Variants in NECAB2 observed in about 807,000 individuals in gnomAD.
NECAB2 encodes the protein N-terminal EF-hand calcium binding protein 2.
In NECAB2, 68 loss-of-function variants were observed where a neutral mutation model predicts 51.9. The ratio of observed to expected loss-of-function variants is 1.31; its 90% confidence interval spans 1.08 to 1.60. NECAB2 has a LOEUF of 1.60. Among genes scored for constraint, NECAB2 ranks in the 40% most tolerant of loss-of-function variants. The pLI, the probability that NECAB2 is intolerant of heterozygous loss-of-function variation, is 0.00. For synonymous variants in NECAB2, 329 were observed against 203.5 expected (o/e 1.62, Z -5.25); for missense variants, 854 against 490.3 (o/e 1.74, Z -7.00).
At chr16:83,986,715 TC>T (rs1192597098) in intron 5 of NECAB2, among the ~76,000 whole-genome samples, 2 of 150,814 alleles carry the variant, frequency 1.3e-5, no homozygotes, top group Non-Finnish European at 2.9e-5. Context: ...AGACAGGGTT[TC>T]CCTATTTTGC....
intron 5 of NECAB2, among the ~76,000 whole-genome samples, chr16:83,990,246 A>T (rs1476985343): frequency 6.6e-6 from 1 of 152,102 alleles, no homozygotes; most frequent in Non-Finnish European, 1.5e-5. Flanking sequence ...TGACCCCATT[A>T]TACTCTGGGA....
chr16:83,965,638 T>C (rs767261281), upstream of NECAB2: 5 of 1,613,298 alleles, frequency 3.1e-6, no homozygotes, highest in East Asian at 6.7e-5. Flanking sequence ...CCAGCCCCTA[T>C]GAGGGTTACC....
At position 83,999,287 on chromosome 16, in the gene NECAB2, C is replaced by G. The variant is rs558029704; in HGVS notation, c.962+970C>G. Among the ~76,000 whole-genome samples the G allele has an allele frequency of 5.9e-5, 9 of 152,268 alleles. No homozygotes were observed. In the South Asian group the frequency reaches 6.2e-4, roughly 11 times the overall value. On this transcript the variant is annotated intron_variant, in intron 10 of 12. Coordinates refer to ENST00000305202, the MANE Select transcript of NECAB2 (RefSeq NM_019065.3). The stretch of plus-strand genomic sequence containing the variant: ...CCAGGATGGGGGGGCAGGACCCACT[C>G]CACTCCAGGAGGACAGACTGCACAG...
intron 11 of NECAB2, 78 bp from the exon 12 acceptor site, chr16:84,001,747 G>GAGCTAGGATTA: frequency 2.6e-6 from 4 of 1,509,812 alleles, no homozygotes; most frequent in Non-Finnish European, 3.7e-6. Flanking sequence ...TTTTGGGCTA[G>GAGCTAGGATTA]AGCTAGGATT....
At chr16:83,996,973 G>C (rs527276760) in intron 8 of NECAB2, among the ~76,000 whole-genome samples, 9 of 150,970 alleles carry the variant, frequency 6.0e-5, no homozygotes, top group African/African-American at 2.2e-4. Context: ...CAGCATCTTG[G>C]ACTCAGGCCT....
At chr16:83,988,544 C>T (rs1166059525) in intron 5 of NECAB2, among the ~76,000 whole-genome samples, 7 of 152,150 alleles carry the variant, frequency 4.6e-5, no homozygotes, top group South Asian at 2.1e-4. Context: ...TATTTCCTAA[C>T]CTCTGTAACC....
chr16:83,987,013 A>G, intron 5 of NECAB2, among the ~76,000 whole-genome samples: 1 of 152,188 alleles, frequency 6.6e-6, no homozygotes, highest in Non-Finnish European at 1.5e-5. Context: ...AGGCATAAGT[A>G]CCCTCTGAAT....
upstream of NECAB2, chr16:83,965,888 C>A (rs763009325): frequency 6.2e-7 from 1 of 1,612,918 alleles, no homozygotes; most frequent in Admixed American, 1.7e-5. Flanking sequence ...GAGCACCCGC[C>A]AGGAGGGCCT....
chr16:83,992,377 T>TCCACCCC (rs1555548089), intron 6 of NECAB2, among the ~76,000 whole-genome samples: 1 of 133,046 alleles, frequency 7.5e-6, no homozygotes, highest in African/African-American at 3.2e-5. Flanking sequence ...CGAGCACCCG[T>TCCACCCC]CCCCCCGCCC....
chr16:83,968,687 G>T lies in NECAB2; in HGVS notation c.39G>T (p.Ala13=), dbSNP rs1597189469. Residue 13 remains alanine (A), a synonymous_variant, in exon 1 of 13, where the codon GCG becomes GCT. Transcript: ENST00000305202. ...ERAARLCRAG[A]HRLLREPPQQ... ...CGGCGCGCCTGTGCAGGGCCGGCGC[G>T]CACAGGCTGCTCCGGGAGCCGCCGC... 2 of 991,874 alleles carry T rather than the reference G, an allele frequency of 2.0e-6. No homozygotes were observed. Among genetic ancestry groups the T allele is most frequent in the South Asian group, 9.0e-5 (2 of 22,168 alleles). 61.4% of individuals were successfully genotyped at this position (991,874 alleles called of 1,614,324 possible). A position where few individuals can be genotyped will look rare whatever the true frequency, so the allele number is the denominator to read the frequency against.
chr16:83,974,410 C>G (rs889634), intron 2 of NECAB2, among the ~76,000 whole-genome samples: 5 of 152,146 alleles, frequency 3.3e-5, no homozygotes, highest in South Asian at 2.1e-4. Flanking sequence ...AATAAGTCCC[C>G]GCTGCTCTGC....
upstream of NECAB2, among the ~76,000 whole-genome samples, chr16:83,967,193 C>G (rs1049448772): frequency 1.3e-5 from 2 of 151,988 alleles, no homozygotes; most frequent in African/African-American, 2.4e-5. Flanking sequence ...TTTAATTGTT[C>G]ATTTGTTTGT....
At chr16:83,977,904 A>C (rs1351166096) in intron 2 of NECAB2, among the ~76,000 whole-genome samples, 1 of 152,138 alleles carries the variant, frequency 6.6e-6, no homozygotes, top group Non-Finnish European at 1.5e-5. Flanking sequence ...TGCAGAGACC[A>C]CTTGGCGTTT....
In NECAB2 at chr16:83,997,882, C is replaced by G. The variant is rs114733569; in HGVS notation, c.850-323C>G. Among the ~76,000 whole-genome samples, 867 of 152,256 alleles carry G rather than the reference C, an allele frequency of 5.7e-3. 10 individuals carry two copies. Among genetic ancestry groups the G allele is most frequent in the African/African-American group, 0.02 (831 of 41,534 alleles). ...GATGTGAAAATGCTGAGTCCATCAA[C>G]TATGAGTTTTTCTTGTCAGTGGATG... On this transcript the variant is annotated intron_variant, in intron 9 of 12. Coordinates refer to ENST00000305202, the MANE Select transcript of NECAB2 (RefSeq NM_019065.3).
chr16:83,997,439 C>G (rs1391612630), intron 9 of NECAB2, among the ~76,000 whole-genome samples, 170 bp downstream of exon 9: 2 of 151,484 alleles, frequency 1.3e-5, no homozygotes, highest in Non-Finnish European at 2.9e-5. Flanking sequence ...ACAGGAGCCA[C>G]CCCACCAACT....
At position 83,994,621 on chromosome 16, in the gene NECAB2, C is replaced by G; in HGVS notation, c.728C>G (p.Ala243Gly). ...TTCTCTACCGCAGCCACGGAGGATG[C>G]AAAGGAAGAGGGTCTGGAAGCCCAG... is the stretch of plus-strand genomic sequence containing the variant. ...GKTLPSATED[A>G]KEEGLEAQIS... The change falls in exon 8 of 13, where the codon GCA becomes GGA. Residue 243 changes from alanine to glycine, a missense_variant. Coordinates refer to ENST00000305202, the MANE Select transcript of NECAB2 (RefSeq NM_019065.3). 1.2e-6 allele frequency: 2 copies of G among 1,614,050 alleles called. No individual in the cohort carries two copies. The highest frequency in any genetic ancestry group is 1.7e-6 in the Non-Finnish European group (2 of 1,180,026).
chr16:83,987,728 GA>G (rs1555547459), intron 5 of NECAB2, among the ~76,000 whole-genome samples: 1 of 133,914 alleles, frequency 7.5e-6, no homozygotes, highest in Non-Finnish European at 1.6e-5. Flanking sequence ...TTGCTATTAT[GA>G]GTATTACATA....
At chr16:83,997,771 G>A (rs1597226030) in intron 9 of NECAB2, among the ~76,000 whole-genome samples, 4 of 152,166 alleles carry the variant, frequency 2.6e-5, no homozygotes, top group South Asian at 2.1e-4. Flanking sequence ...GAGATTACAG[G>A]CGTGAGCCAC....
chr16:83,989,378 T>C (rs2084593458), intron 5 of NECAB2, among the ~76,000 whole-genome samples: 1 of 152,212 alleles, frequency 6.6e-6, no homozygotes, highest in Non-Finnish European at 1.5e-5. Flanking sequence ...TCTTCTCATG[T>C]GCCCCTCCTC....
Sources: allele counts gnomAD v4.1 joint callset (sites outside exome capture counted in the v4.1 genomes callset), GRCh38; gene constraint gnomAD v4.1.1; transcripts MANE v1.5; gene names NCBI Gene and HGNC (gene_info 2026-07-23, HGNC 2026-07-21).